SGCD: variants seen among roughly 807,000 people sequenced by gnomAD.
SGCD encodes delta-sarcoglycan.
SGCD carries 18 observed loss-of-function variants against 36.6 expected under a neutral mutation model. The observed-to-expected ratio is 0.49, with a 90% confidence interval of 0.34 to 0.73. The LOEUF (loss-of-function observed/expected upper bound fraction) is 0.73. Among genes scored for constraint, SGCD ranks in the 30% least tolerant of loss-of-function variants. The probability of loss-of-function intolerance (pLI) is 0.01; values close to 1 mark genes in which losing one functional copy is unlikely to be tolerated. For synonymous variants in SGCD, 133 were observed against 130.6 expected (o/e 1.02, Z -0.12); for missense variants, 387 against 346.7 (o/e 1.12, Z -0.92).
the SGCD span, among the ~76,000 whole-genome samples, chr5:155,799,162 C>T: frequency 5.3e-5 from 8 of 152,080 alleles, no homozygotes; most frequent in Non-Finnish European, 1.0e-4. Context: ...ACAAATGATT[C>T]ACATATCTGT....
chr5:156,047,483 A>G (rs1221793378), intron 1 of SGCD, among the ~76,000 whole-genome samples: 3 of 152,152 alleles, frequency 2.0e-5, no homozygotes, highest in African/African-American at 7.2e-5. Flanking sequence ...GTTGAAGCCA[A>G]TACTTATTAA....
chr5:156,344,773 TAGGACTC>T, intron 3 of SGCD, 96 bp downstream of exon 3: 1 of 898,778 alleles, frequency 1.1e-6, no homozygotes, highest in South Asian at 1.8e-5. Flanking sequence ...ATTATTACAG[TAGGACTC>T]AAAAAATCTG....
At chr5:156,277,744 G>A (rs1398681246) in intron 3 of SGCD, among the ~76,000 whole-genome samples, 3 of 152,172 alleles carry the variant, frequency 2.0e-5, no homozygotes, top group Non-Finnish European at 4.4e-5. Context: ...TTGCTTTATA[G>A]GCAAACTAGC....
intron 3 of SGCD, among the ~76,000 whole-genome samples, chr5:156,160,793 T>C (rs769182273): frequency 4.6e-5 from 7 of 151,722 alleles, no homozygotes; most frequent in Admixed American, 2.0e-4. Context: ...ACTTGATATT[T>C]TCTGTCTTTT....
chr5:156,220,666 T>G (rs964796715), intron 3 of SGCD, among the ~76,000 whole-genome samples: 3 of 152,110 alleles, frequency 2.0e-5, no homozygotes, highest in Non-Finnish European at 4.4e-5. Context: ...TTTCAACTGA[T>G]AAAACATGGA....
At chr5:156,068,908 G>A (rs1443563653) in intron 1 of SGCD, among the ~76,000 whole-genome samples, 1 of 151,998 alleles carries the variant, frequency 6.6e-6, no homozygotes, top group African/African-American at 2.4e-5. Flanking sequence ...TTTTTTGGCT[G>A]CGTAAATGTC....
upstream of SGCD, among the ~76,000 whole-genome samples, chr5:156,324,628 G>A (rs1302276185): frequency 6.6e-6 from 1 of 152,186 alleles, no homozygotes; most frequent in Non-Finnish European, 1.5e-5. Flanking sequence ...GGAGACATGA[G>A]GGCAGGGTCT....
At chr5:156,313,701 G>T (rs1380560848) in intron 3 of SGCD, among the ~76,000 whole-genome samples, 3 of 152,046 alleles carry the variant, frequency 2.0e-5, no homozygotes, top group Admixed American at 2.0e-4. Flanking sequence ...TGGCTAGTTT[G>T]TTGGTTCATA....
chr5:156,168,999 C>A (rs940769172), intron 3 of SGCD, among the ~76,000 whole-genome samples: 1 of 152,160 alleles, frequency 6.6e-6, no homozygotes, highest in African/African-American at 2.4e-5. Context: ...CCTGTAACTA[C>A]GAATCAAAAG....
chr5:156,709,555 G>C (rs1451267432), intron 7 of SGCD, among the ~76,000 whole-genome samples: 1 of 152,114 alleles, frequency 6.6e-6, no homozygotes, highest in African/African-American at 2.4e-5. Flanking sequence ...AGGGCTGGAG[G>C]GAAGAATTCA....
intron 3 of SGCD, among the ~76,000 whole-genome samples, chr5:156,167,451 G>T (rs1371149631): frequency 2.0e-5 from 3 of 152,088 alleles, no homozygotes; most frequent in Non-Finnish European, 4.4e-5. Flanking sequence ...TTGCTTTGTT[G>T]CAAGTATGGT....
intron 6 of SGCD, among the ~76,000 whole-genome samples, chr5:156,643,664 G>T (rs1197983518): frequency 2.0e-5 from 3 of 151,990 alleles, no homozygotes; most frequent in African/African-American, 7.2e-5. Context: ...CAGGTTTTTG[G>T]TTTCTCAGTA....
chr5:156,245,985 C>G (rs30280), intron 3 of SGCD, among the ~76,000 whole-genome samples: 39,526 of 151,944 alleles, frequency 0.26, 5,614 homozygotes, highest in Non-Finnish European at 0.31. Flanking sequence ...AGGGAAAATG[C>G]AAACTATACA....
intron 3 of SGCD, among the ~76,000 whole-genome samples, chr5:156,291,519 A>G (rs547508398): frequency 7.2e-5 from 11 of 152,298 alleles, no homozygotes; most frequent in African/African-American, 2.6e-4. Flanking sequence ...TTAGTCTAGA[A>G]AAACAAAAAT....
At chr5:155,780,106 A>AT in the SGCD span, among the ~76,000 whole-genome samples, 31 of 151,346 alleles carry the variant, frequency 2.0e-4, no homozygotes, top group South Asian at 1.0e-3. Context: ...TGATACGTCC[A>AT]TTTTTTTTTC....
chr5:156,590,430 ATGT>A (rs1760682360), intron 5 of SGCD, among the ~76,000 whole-genome samples: 1 of 152,102 alleles, frequency 6.6e-6, no homozygotes, highest in African/African-American at 2.4e-5. Context: ...ATCCATAAAC[ATGT>A]TGTTTCAGCG....
At chr5:156,315,124 A>G (rs1303631610) in intron 3 of SGCD, among the ~76,000 whole-genome samples, 5 of 151,964 alleles carry the variant, frequency 3.3e-5, no homozygotes, top group Admixed American at 2.6e-4. Flanking sequence ...TATTAATTAC[A>G]GTTACCATGT....
chr5:156,144,837 T>A (rs186802029), intron 3 of SGCD, among the ~76,000 whole-genome samples: 43 of 152,344 alleles, frequency 2.8e-4, no homozygotes, highest in Middle Eastern at 6.8e-3. Flanking sequence ...GTACCCTCAC[T>A]GTATCTTGGA....
At position 156,158,924 on chromosome 5, in the gene SGCD, TA is replaced by T. The variant is rs1293392499; in HGVS notation, c.-44+34915del. ...AAGCTGTCATTTAACTTCTCATCAT[TA>T]AAAAAAAAATACTTAGATATGAGTG... is the stretch of plus-strand genomic sequence containing the variant. On this transcript the variant is annotated intron_variant, in intron 3 of 9. Coordinates refer to the SGCD transcript ENST00000517913. Among the ~76,000 whole-genome samples, 66 of 147,834 alleles carry T rather than the reference TA, an allele frequency of 4.5e-4. 4 individuals are homozygous for T. The highest frequency in any genetic ancestry group is 1.6e-3 in the Admixed American group (24 of 14,866).
Sources: gnomAD v4.1 joint callset for allele counts (sites outside exome capture counted in the v4.1 genomes callset) on GRCh38, gnomAD v4.1.1 for gene constraint, MANE v1.5 for transcripts, NCBI Gene and HGNC (gene_info 2026-07-23, HGNC 2026-07-21) for gene names.